Variants in SASH1 observed in about 807,000 individuals in gnomAD.
SASH1 encodes SAM and SH3 domain-containing protein 1.
In SASH1, 44 loss-of-function variants were observed where a neutral mutation model predicts 125.2. That is an observed-to-expected ratio of 0.35 (90% CI 0.28 to 0.45). The LOEUF is 0.45. SASH1 is among the 20% of genes least tolerant of loss of function. The probability of loss-of-function intolerance (pLI) is 1.00; values close to 1 mark genes in which losing one functional copy is unlikely to be tolerated. For synonymous variants in SASH1, 639 were observed against 649.1 expected (o/e 0.98, Z 0.24); for missense variants, 1,426 against 1,614.5 (o/e 0.88, Z 2.00).
chr6:148,238,652 ACACACACAC>A, the SASH1 span, among the ~76,000 whole-genome samples: 1 of 147,544 alleles, frequency 6.8e-6, no homozygotes, highest in Non-Finnish European at 1.5e-5. Flanking sequence ...ACACACACAC[ACACACACAC>A]ATCCCAAATT....
chr6:148,467,273 T>G lies in SASH1; in HGVS notation c.387-1272T>G, dbSNP rs186915991. ...CACCACGCCTAGCTAATTTTTGTAT[T>G]TTTAGTAGAGACGGAGCTTTGCCAT... On this transcript the variant is annotated intron_variant, in intron 4 of 19. Transcript: ENST00000367467. 7.9e-5 allele frequency among the ~76,000 whole-genome samples: 12 copies of G among 152,208 alleles called. No homozygotes were observed. The East Asian group carries it at 2.3e-3, about 29-fold the overall frequency.
In SASH1 at chr6:148,482,586, A is replaced by T. The variant is rs574538207; in HGVS notation, c.628-5028A>T. The stretch of plus-strand genomic sequence containing the variant: ...GCCCATGCTAGAGTGCAGTGGCGTG[A>T]TAATGGTTCACTGCAGCCTCGACCT... On this transcript the variant is annotated intron_variant, in intron 7 of 19. Transcript: ENST00000367467. Among the ~76,000 whole-genome samples, 4 of 151,170 alleles carry T rather than the reference A, an allele frequency of 2.6e-5. No homozygotes were observed. In the East Asian group the frequency reaches 7.8e-4, roughly 29 times the overall value.
the SASH1 span, among the ~76,000 whole-genome samples, chr6:148,206,138 G>A: frequency 6.6e-6 from 1 of 151,618 alleles, no homozygotes; most frequent in Non-Finnish European, 1.5e-5. Flanking sequence ...ATCTATTAAA[G>A]AGAAAATGTA....
chr6:148,205,159 G>A, the SASH1 span, among the ~76,000 whole-genome samples: 151 of 152,266 alleles, frequency 9.9e-4, 2 homozygotes, highest in East Asian at 0.022. Context: ...ATAATGGGGC[G>A]ATTTATCAAT....
the SASH1 span, among the ~76,000 whole-genome samples, chr6:148,259,108 C>T: frequency 1.3e-5 from 2 of 152,174 alleles, no homozygotes; most frequent in African/African-American, 4.8e-5. Context: ...GGATGGTACT[C>T]AAAGATCGTT....
chr6:148,243,195 A>G, the SASH1 span, among the ~76,000 whole-genome samples: 1 of 152,318 alleles, frequency 6.6e-6, no homozygotes, highest in South Asian at 2.1e-4. Flanking sequence ...TCATGCCTGT[A>G]ATCCCAGCAC....
At position 148,548,375 on chromosome 6, in the gene SASH1, T is replaced by C. The variant is rs1349715948; in HGVS notation, c.3561T>C (p.Ile1187=). Residue 1187 remains isoleucine, a synonymous_variant, in exon 20 of 20, where the codon ATT becomes ATC. Coordinates refer to ENST00000367467, the MANE Select transcript of SASH1 (RefSeq NM_015278.5). ...TTTCGTCTGTGTCAGATTGGCTCAT[T>C]TCCATCGGTCTGCCCATGTACGCCG... ...GCISSVSDWL[I]SIGLPMYAGT... is the part of the protein sequence containing the mutation. 6.2e-7 allele frequency: 1 copy of C among 1,614,188 alleles called. No homozygotes were observed. Among genetic ancestry groups the C allele is most frequent in the Non-Finnish European group, 8.5e-7 (1 of 1,180,024 alleles).
In SASH1 at chr6:148,296,671, C is replaced by G. The variant is rs536683640; in HGVS notation, n.74+24294C>G. On this transcript the variant is annotated intron_variant and non_coding_transcript_variant, in intron 1 of 3. Transcript: ENST00000367469. ...CGACTCAAAAGGCAGCATGCTGGGACCTACAGTCTCCCTAAACTTGTTTAT... is the reference window on the plus strand; with the variant it reads ...CGACTCAAAAGGCAGCATGCTGGGAGCTACAGTCTCCCTAAACTTGTTTAT... Among the ~76,000 whole-genome samples the G allele has an allele frequency of 8.7e-4, 132 of 152,318 alleles. No homozygotes were observed. The South Asian group carries it at 0.011, about 12-fold the overall frequency.
At chr6:148,542,944 T>C (rs763015645) in intron 17 of SASH1, among the ~76,000 whole-genome samples, 7 of 152,140 alleles carry the variant, frequency 4.6e-5, no homozygotes, top group Non-Finnish European at 8.8e-5. Flanking sequence ...CCATGAATTG[T>C]AAGTTCTTGG....
At chr6:148,465,291 C>G (rs1017800072) in intron 4 of SASH1, among the ~76,000 whole-genome samples, 10 of 152,156 alleles carry the variant, frequency 6.6e-5, no homozygotes, top group African/African-American at 2.4e-4. Flanking sequence ...GTGGCTCATG[C>G]CTGCAATCCC....
At chr6:148,394,396 C>T (rs1040749156) in intron 2 of SASH1, among the ~76,000 whole-genome samples, 8 of 152,326 alleles carry the variant, frequency 5.3e-5, no homozygotes, top group African/African-American at 1.7e-4. Context: ...AAAGTTCCCT[C>T]TCACAGTGCT....
At chr6:148,427,641 G>A (rs1314998895) in intron 2 of SASH1, among the ~76,000 whole-genome samples, 1 of 152,162 alleles carries the variant, frequency 6.6e-6, no homozygotes, top group East Asian at 1.9e-4. Flanking sequence ...AGCAGTATAC[G>A]CCTTGTTTGA....
At chr6:148,448,251 A>G (rs923836006) in intron 4 of SASH1, among the ~76,000 whole-genome samples, 4 of 152,130 alleles carry the variant, frequency 2.6e-5, no homozygotes, top group African/African-American at 9.7e-5. Flanking sequence ...AATGTTGAAT[A>G]AATCGATTGA....
At chr6:148,274,654 A>G (rs531252706) in intron 1 of SASH1, among the ~76,000 whole-genome samples, 41 of 152,330 alleles carry the variant, frequency 2.7e-4, no homozygotes, top group African/African-American at 9.6e-4. Flanking sequence ...CTTGAAATCT[A>G]TAGAGACAGT....
At chr6:148,500,588 C>T (rs1779523199) in intron 8 of SASH1, among the ~76,000 whole-genome samples, 1 of 152,178 alleles carries the variant, frequency 6.6e-6, no homozygotes, top group Non-Finnish European at 1.5e-5. Context: ...ACACAGTTTC[C>T]TTCCAGATTT....
chr6:148,470,905 C>G (rs1778074468), intron 5 of SASH1, among the ~76,000 whole-genome samples: 1 of 152,088 alleles, frequency 6.6e-6, no homozygotes, highest in Non-Finnish European at 1.5e-5. Flanking sequence ...GACCAACTCC[C>G]CTGACCTGTG....
chr6:148,194,467 A>T, the SASH1 span, among the ~76,000 whole-genome samples: 1 of 152,260 alleles, frequency 6.6e-6, no homozygotes, highest in East Asian at 1.9e-4. Context: ...ATTGGATGGT[A>T]TAACAAATTA....
chr6:148,264,177 GA>G, the SASH1 span, among the ~76,000 whole-genome samples: 787 of 137,668 alleles, frequency 5.7e-3, 6 homozygotes, highest in African/African-American at 8.8e-3. Flanking sequence ...TATTTTGACC[GA>G]AAAAAAAAAA....
the SASH1 span, among the ~76,000 whole-genome samples, chr6:148,201,997 C>T: frequency 2.0e-5 from 3 of 152,010 alleles, no homozygotes; most frequent in Admixed American, 1.3e-4. Context: ...CACCAGTTCA[C>T]CCGGTCCATA....
Sources: allele counts gnomAD v4.1 joint callset (sites outside exome capture counted in the v4.1 genomes callset), GRCh38; gene constraint gnomAD v4.1.1; transcripts MANE v1.5; gene names NCBI Gene and HGNC (gene_info 2026-07-23, HGNC 2026-07-21).